The following EAPP variants were observed in gnomAD, a reference collection of about 807,000 sequenced individuals.
The protein encoded by EAPP is E2F associated phosphoprotein, also known as E2F-associated phosphoprotein.
A neutral mutation model predicts 34.3 loss-of-function variants in EAPP; 38 were observed. The ratio of observed to expected loss-of-function variants is 1.11; its 90% CI spans 0.85 to 1.45. EAPP has a LOEUF of 1.45. Ranked by LOEUF, EAPP falls within the 40% of genes most tolerant of loss-of-function variation. EAPP has a pLI of 0.00. For synonymous variants in EAPP, 113 were observed against 117.6 expected, an observed-to-expected ratio of 0.96 and a Z score of 0.25; for missense variants, 338 against 343.7, an observed-to-expected ratio of 0.98 and a Z score of 0.13.
chr14:34,538,536 T>G (rs138139818), intron 1 of EAPP, among the ~76,000 whole-genome samples: 103 of 152,114 alleles, frequency 6.8e-4, no homozygotes, highest in African/African-American at 2.4e-3. Context: ...TGATTTCCCA[T>G]GCATCCAATG....
chr14:34,533,962 G>A (rs1289633055), intron 2 of EAPP, among the ~76,000 whole-genome samples: 2 of 152,110 alleles, frequency 1.3e-5, no homozygotes, highest in Non-Finnish European at 2.9e-5. Context: ...CTTCTCCTCA[G>A]TTGTGCCCAG....
intron 5 of EAPP, among the ~76,000 whole-genome samples, chr14:34,521,666 G>A (rs1156895433): frequency 1.5e-5 from 2 of 136,912 alleles, no homozygotes; most frequent in East Asian, 2.2e-4. Context: ...ATGGAGTCTC[G>A]CTCCATTGCG....
intron 4 of EAPP, among the ~76,000 whole-genome samples, chr14:34,528,708 A>T (rs1477293774): frequency 6.6e-6 from 1 of 151,706 alleles, no homozygotes; most frequent in Non-Finnish European, 1.5e-5. Flanking sequence ...GGTATAAGCC[A>T]CCACCCTGGC....
At position 34,534,251 on chromosome 14, in the gene EAPP, C is replaced by T. The variant is rs373891021; in HGVS notation, c.257-712G>A. Among the ~76,000 whole-genome samples, 61 of 151,860 alleles carry T rather than the reference C, an allele frequency of 4.0e-4. 2 individuals carry two copies. The East Asian group carries it at 4.3e-3, about 11-fold the overall frequency. On this transcript the variant is annotated intron_variant, in intron 2 of 5. Transcript: ENST00000250454. Reference sequence around the variant, plus strand: ...GGGTTCAGGTGATTCCCCTGCCTGACCTTCCCGAGTAGCTGGAATTATAGG... The same window carrying T: ...GGGTTCAGGTGATTCCCCTGCCTGATCTTCCCGAGTAGCTGGAATTATAGG...
intron 3 of EAPP, among the ~76,000 whole-genome samples, chr14:34,529,865 A>C (rs886564368): frequency 1.4e-4 from 22 of 152,152 alleles, no homozygotes; most frequent in African/African-American, 5.3e-4. Context: ...AAAATATAAA[A>C]ATTAGCTGGG....
chr14:34,521,675 C>A (rs150332527), intron 5 of EAPP, among the ~76,000 whole-genome samples: 3 of 144,026 alleles, frequency 2.1e-5, no homozygotes, highest in Admixed American at 7.4e-5. Flanking sequence ...CGCTCCATTG[C>A]GCAGGCTGGA....
At chr14:34,527,892 G>A (rs1880146199) in intron 4 of EAPP, among the ~76,000 whole-genome samples, 1 of 152,114 alleles carries the variant, frequency 6.6e-6, no homozygotes, top group Admixed American at 6.6e-5. Flanking sequence ...TGGTGGCTGT[G>A]CAACATTGTG....
At chr14:34,535,889 A>G in intron 2 of EAPP, 1 of 481,702 alleles carries the variant, frequency 2.1e-6, no homozygotes, top group Middle Eastern at 5.4e-4. Context: ...AGAATGAGAC[A>G]TTGAATCTAA....
chr14:34,525,909 A>G (rs1488507623), intron 4 of EAPP, among the ~76,000 whole-genome samples: 1 of 151,888 alleles, frequency 6.6e-6, no homozygotes, highest in Admixed American at 6.6e-5. Flanking sequence ...AGTCCCAGCT[A>G]CTCAGGAGGT....
intron 2 of EAPP, among the ~76,000 whole-genome samples, chr14:34,535,590 G>A (rs1039371532): frequency 7.3e-5 from 11 of 150,952 alleles, no homozygotes; most frequent in Non-Finnish European, 1.2e-4. Flanking sequence ...CTGCCACCAC[G>A]CCCGGCTAAT....
intron 1 of EAPP, chr14:34,539,285 G>A (rs955863994): frequency 7.7e-6 from 5 of 648,064 alleles, no homozygotes; most frequent in South Asian, 1.5e-5. Flanking sequence ...AAGGTGTAGA[G>A]ACAGGTTTCG....
At chr14:34,530,116 C>T (rs1880234043) in intron 3 of EAPP, among the ~76,000 whole-genome samples, 5 of 152,120 alleles carry the variant, frequency 3.3e-5, no homozygotes, top group African/African-American at 1.2e-4. Context: ...AGGAGAATCA[C>T]TTGAACCCAG....
At chr14:34,534,574 G>A (rs17102597) in intron 2 of EAPP, among the ~76,000 whole-genome samples, 7 of 152,032 alleles carry the variant, frequency 4.6e-5, no homozygotes, top group African/African-American at 1.7e-4. Flanking sequence ...CCACATTTTA[G>A]TGCCATCTAA....
rs1163113823 is a variant in EAPP at position 34,539,579 on chromosome 14, C to T, written c.50G>A (p.Ser17Asn). ...CCTGCTCAAAGCCGGCTCCTCGTCG[C>T]TAGGCTCTTCAACCGCGTAGGGGTC... ...DYDPYAVEEP[S>N]DEEPALSSSE... The change falls in exon 1 of 6, where the codon AGC becomes AAC. Residue 17 changes from serine (S) to asparagine (N), a missense_variant. Physicochemically the swap from Ser to Asn is conservative, Grantham distance 46. Coordinates refer to ENST00000250454, the MANE Select transcript of EAPP (RefSeq NM_018453.4). The T allele has an allele frequency of 1.9e-6, 3 of 1,602,824 alleles. No individual in the cohort carries two copies. The highest frequency in any genetic ancestry group is 2.7e-5 in the African/African-American group (2 of 74,696).
At chr14:34,536,509 A>G (rs995005051) in intron 1 of EAPP, 3 of 263,972 alleles carry the variant, frequency 1.1e-5, no homozygotes, top group East Asian at 1.7e-4. Flanking sequence ...CTGTGACCCA[A>G]CCTGGAGTGC....
At chr14:34,535,701 G>C (rs1880449886) in intron 2 of EAPP, among the ~76,000 whole-genome samples, 1 of 152,030 alleles carries the variant, frequency 6.6e-6, no homozygotes, top group African/African-American at 2.4e-5. Context: ...CAAAGTGCTA[G>C]GATTACAGTC....
intron 5 of EAPP, among the ~76,000 whole-genome samples, chr14:34,520,096 A>G (rs1879868146): frequency 6.6e-6 from 1 of 152,084 alleles, no homozygotes. Context: ...CATGTTGGCC[A>G]GGCTGGTCTC....
At chr14:34,527,681 A>G (rs1880140147) in intron 4 of EAPP, among the ~76,000 whole-genome samples, 1 of 152,206 alleles carries the variant, frequency 6.6e-6, no homozygotes, top group African/African-American at 2.4e-5. Flanking sequence ...CAAAAGCACT[A>G]TGCCCAGTGA....
chr14:34,539,556 T>C lies in EAPP; in HGVS notation c.73A>G (p.Ser25Gly). Residue 25 changes from serine to glycine, a missense_variant and splice_region_variant, in exon 1 of 6, where the codon AGC becomes GGC. Ser to Gly is a moderately conservative substitution (Grantham distance 56). Transcript: ENST00000250454. ...EPSDEEPALS[S>G]SEDEVDVLLH... Reference sequence around the variant, plus strand: ...GGCCAGGGTGGGGCGGGAGCCCACCTGCTCAAAGCCGGCTCCTCGTCGCTA... The same window carrying C: ...GGCCAGGGTGGGGCGGGAGCCCACCCGCTCAAAGCCGGCTCCTCGTCGCTA... 6.2e-7 allele frequency: 1 copy of C among 1,605,008 alleles called. No homozygotes were observed. The highest frequency in any genetic ancestry group is 8.5e-7 in the Non-Finnish European group (1 of 1,177,876).
Sources: allele counts gnomAD v4.1 joint callset (sites outside exome capture counted in the v4.1 genomes callset), GRCh38; gene constraint gnomAD v4.1.1; transcripts MANE v1.5; gene names NCBI Gene and HGNC (gene_info 2026-07-23, HGNC 2026-07-21).